Variants in ZC3H12B observed in about 807,000 individuals in gnomAD.
ZC3H12B encodes the protein zinc finger CCCH-type containing 12B, also known as probable ribonuclease ZC3H12B.
Under a neutral mutation model 43.9 loss-of-function variants are expected in ZC3H12B, and 7 were observed. That is an observed-to-expected ratio of 0.16 (90% CI 0.09 to 0.30). The LOEUF (loss-of-function observed/expected upper bound fraction) is 0.30, where lower values mean the gene tolerates loss of function less well. Ranked by LOEUF, ZC3H12B falls within the 10% of genes least tolerant of loss-of-function variation. The pLI, the probability that ZC3H12B is intolerant of heterozygous loss-of-function variation, is 1.00. For synonymous variants in ZC3H12B, 222 were observed against 241.7 expected (o/e 0.92, Z 0.76); for missense variants, 475 against 670.2 (o/e 0.71, Z 3.22).
the ZC3H12B span, among the ~76,000 whole-genome samples, chrX:65,282,027 A>T: frequency 5.3e-5 from 6 of 112,257 alleles, no homozygotes; most frequent in African/African-American, 1.9e-4. Context: ...AAAGATTCCA[A>T]AAAAGCTGTT....
the ZC3H12B span, among the ~76,000 whole-genome samples, chrX:65,160,289 G>A: frequency 8.9e-6 from 1 of 111,850 alleles, no homozygotes; most frequent in Non-Finnish European, 1.9e-5. Flanking sequence ...AATGAGTTAG[G>A]GAGGATTCCT....
chrX:65,099,774 G>A, the ZC3H12B span, among the ~76,000 whole-genome samples: 1 of 111,346 alleles, frequency 9.0e-6, no homozygotes, highest in African/African-American at 3.3e-5. Flanking sequence ...TGAAGATGAG[G>A]AAAAACCGGC....
At chrX:65,266,112 A>G in the ZC3H12B span, among the ~76,000 whole-genome samples, 1 of 111,847 alleles carries the variant, frequency 8.9e-6, no homozygotes, top group Non-Finnish European at 1.9e-5. Flanking sequence ...AAAATTGGTT[A>G]AAAATTCTCT....
chrX:65,226,554 A>G, the ZC3H12B span, among the ~76,000 whole-genome samples: 2 of 111,593 alleles, frequency 1.8e-5, no homozygotes, highest in African/African-American at 3.3e-5. Context: ...ATGTAAATGG[A>G]CTAAATGCTC....
the ZC3H12B span, among the ~76,000 whole-genome samples, chrX:65,126,222 C>T: frequency 0.018 from 1,996 of 110,565 alleles, 56 homozygotes; most frequent in African/African-American, 0.062. Flanking sequence ...CTGGAAAATA[C>T]GGTATCTTTC....
rs1009911678 is a variant in ZC3H12B, at chrX:65,379,232, G to T, written n.295+10234G>T. 8.1e-5 allele frequency among the ~76,000 whole-genome samples: 9 copies of T among 111,603 alleles called. No individual in the cohort carries two copies. The Admixed American group carries it at 8.6e-4, about 11-fold the overall frequency. On this transcript the variant is annotated intron_variant and non_coding_transcript_variant, in intron 2 of 5. Transcript: ENST00000617377. The stretch of plus-strand genomic sequence containing the variant: ...GTCTGACAGCTTTGAAGAGAGCAGT[G>T]GTTCTCCCAGCACGCAGCTGGAGAT...
chrX:65,400,959 A>G (rs2066755057), intron 3 of ZC3H12B, among the ~76,000 whole-genome samples: 1 of 111,056 alleles, frequency 9.0e-6, no homozygotes, highest in Non-Finnish European at 1.9e-5. Flanking sequence ...CTGCAGCTGC[A>G]AACATATTTT....
chrX:65,162,609 C>G, the ZC3H12B span, among the ~76,000 whole-genome samples: 1 of 112,095 alleles, frequency 8.9e-6, no homozygotes, highest in Admixed American at 9.5e-5. Flanking sequence ...TCTTGGCTTT[C>G]AGCTCCATCA....
At chrX:65,325,659 A>T in the ZC3H12B span, among the ~76,000 whole-genome samples, 1 of 111,638 alleles carries the variant, frequency 9.0e-6, no homozygotes, top group Non-Finnish European at 1.9e-5. Flanking sequence ...TTATTTTTTC[A>T]AATGTTTATA....
the ZC3H12B span, among the ~76,000 whole-genome samples, chrX:65,230,054 T>C: frequency 1.8e-5 from 2 of 111,387 alleles, no homozygotes; most frequent in African/African-American, 6.5e-5. Flanking sequence ...CAAAGGACTA[T>C]AAATCTTGCT....
chrX:65,154,480 T>C, the ZC3H12B span, among the ~76,000 whole-genome samples: 1 of 112,063 alleles, frequency 8.9e-6, no homozygotes, highest in Non-Finnish European at 1.9e-5. Flanking sequence ...GTCAATAATT[T>C]GGGGGATTTT....
At chrX:65,322,780 A>G in the ZC3H12B span, among the ~76,000 whole-genome samples, 4 of 111,762 alleles carry the variant, frequency 3.6e-5, no homozygotes, top group Non-Finnish European at 7.5e-5. Flanking sequence ...CTGTTTACAA[A>G]TAATGAAATT....
At chrX:65,444,563 C>T (rs746375877) in intron 3 of ZC3H12B, among the ~76,000 whole-genome samples, 1 of 112,408 alleles carries the variant, frequency 8.9e-6, no homozygotes, top group African/African-American at 3.2e-5. Context: ...AAACCTCTTT[C>T]TTTTGTAAAT....
At chrX:65,232,196 G>C in the ZC3H12B span, among the ~76,000 whole-genome samples, 14 of 111,072 alleles carry the variant, frequency 1.3e-4, no homozygotes, top group African/African-American at 4.3e-4. Context: ...AGCTGAGATC[G>C]CACCACTGCA....
chrX:65,401,398 C>T (rs2066760746), intron 3 of ZC3H12B, among the ~76,000 whole-genome samples: 1 of 111,782 alleles, frequency 8.9e-6, no homozygotes, highest in Non-Finnish European at 1.9e-5. Context: ...AAACCTTAGC[C>T]AGAGGGTAGT....
the ZC3H12B span, among the ~76,000 whole-genome samples, chrX:65,102,848 C>T: frequency 9.0e-6 from 1 of 111,441 alleles, no homozygotes; most frequent in Non-Finnish European, 1.9e-5. Context: ...GTGATGCCCC[C>T]TGAACCGCAA....
At chrX:65,330,923 C>T in the ZC3H12B span, 1 of 274,563 alleles carries the variant, frequency 3.6e-6, no homozygotes, top group Non-Finnish European at 7.2e-6. Context: ...TTCACTTCAA[C>T]ATGTTTCTGT....
the ZC3H12B span, among the ~76,000 whole-genome samples, chrX:65,356,081 A>G: frequency 8.9e-6 from 1 of 112,354 alleles, no homozygotes; most frequent in African/African-American, 3.2e-5. Flanking sequence ...CTAATTCCCA[A>G]AAATCCTAGT....
chrX:65,384,196 A>G (rs1489125207), intron 2 of ZC3H12B, among the ~76,000 whole-genome samples: 1 of 102,630 alleles, frequency 9.7e-6, no homozygotes, highest in Non-Finnish European at 2.0e-5. Flanking sequence ...GCCATAAAAA[A>G]TGATGAGTTC....
Sources: gnomAD v4.1 joint callset for allele counts (sites outside exome capture counted in the v4.1 genomes callset) on GRCh38, gnomAD v4.1.1 for gene constraint, MANE v1.5 for transcripts, NCBI Gene and HGNC (gene_info 2026-07-23, HGNC 2026-07-21) for gene names.